The following DAW1 variants were observed in gnomAD, a reference collection of about 807,000 sequenced individuals.
DAW1 encodes the protein dynein assembly factor with WD repeat domains 1.
DAW1 carries 47 observed loss-of-function variants against 56.5 expected under a neutral mutation model. That is an observed-to-expected ratio of 0.83 (90% CI 0.66 to 1.06). The LOEUF is 1.06. Ranked by LOEUF, DAW1 falls within the 50% of genes least tolerant of loss-of-function variation. The probability of loss-of-function intolerance (pLI) is 0.00; values close to 1 mark genes in which losing one functional copy is unlikely to be tolerated. For missense variants in DAW1, 505 were observed against 499.3 expected, an observed-to-expected ratio of 1.01 and a Z score of -0.11; for synonymous variants, 190 against 179.0, an observed-to-expected ratio of 1.06 and a Z score of -0.49.
At position 227,921,519 on chromosome 2, in the gene DAW1, T is replaced by A. The variant is rs757314749; in HGVS notation, c.1171T>A (p.Phe391Ile). The A allele has an allele frequency of 1.9e-6, 3 of 1,613,990 alleles. No individual in the cohort carries two copies. In the South Asian group the frequency reaches 3.3e-5, roughly 18 times the overall value. Residue 391 changes from phenylalanine (F) to isoleucine (I), a missense_variant, in exon 12 of 13, where the codon TTT becomes ATT. Physicochemically the swap from Phe to Ile is conservative, Grantham distance 21. Transcript: ENST00000309931. ...QVLEGHTDEI[F>I]SCAFNYKGNI... ...TCTTGAGGGGCACACTGATGAAATC[T>A]TTTCATGTGCTTTCAACTATAAAGG...
chr2:227,922,196 A>G lies in DAW1; in HGVS notation c.1213+635A>G, dbSNP rs113760181. 4.2e-3 allele frequency among the ~76,000 whole-genome samples: 635 copies of G among 152,338 alleles called. 6 individuals carry two copies. Among genetic ancestry groups the G allele is most frequent in the African/African-American group, 0.015 (617 of 41,582 alleles). On this transcript the variant is annotated intron_variant, in intron 12 of 12. Coordinates refer to ENST00000309931, the MANE Select transcript of DAW1 (RefSeq NM_178821.3). ...ATGTCAGTAAGTGTTAGTAACCAAA[A>G]CAAGTCAGGATCAAAATTCTCCCCA...
At chr2:227,885,515 T>C (rs1424735432) in intron 2 of DAW1, 92 bp downstream of exon 2, 9 of 922,954 alleles carry the variant, frequency 9.8e-6, no homozygotes, top group South Asian at 2.1e-5. Context: ...CTGCAGATAA[T>C]ACATTATGTT....
At chr2:227,898,813 G>A (rs1691471899) in intron 6 of DAW1, among the ~76,000 whole-genome samples, 1 of 152,070 alleles carries the variant, frequency 6.6e-6, no homozygotes, top group African/African-American at 2.4e-5. Flanking sequence ...ATCCTACATT[G>A]ACTAAGTAGA....
At position 227,893,831 on chromosome 2, in the gene DAW1, C is replaced by G; in HGVS notation, c.354C>G (p.Leu118=). ...GAAGCTATGATCGGACGTGCAAGCT[C>G]TGGGACACTGCGTCTGGAGAGGAGC... ...ITGSYDRTCK[L]WDTASGEELN... is the part of the protein sequence containing the mutation. Residue 118 remains leucine (L), a synonymous_variant, in exon 5 of 13, where the codon CTC becomes CTG. Coordinates refer to ENST00000309931, the MANE Select transcript of DAW1 (RefSeq NM_178821.3). 6.2e-7 allele frequency: 1 copy of G among 1,613,896 alleles called. No individual in the cohort carries two copies. The highest frequency in any genetic ancestry group is 8.5e-7 in the Non-Finnish European group (1 of 1,179,900).
At chr2:227,908,157 G>C (rs980645347) in intron 10 of DAW1, among the ~76,000 whole-genome samples, 5 of 152,148 alleles carry the variant, frequency 3.3e-5, no homozygotes, top group African/African-American at 1.2e-4. Flanking sequence ...ACATGATATT[G>C]TGTCTGTCTT....
intron 1 of DAW1, among the ~76,000 whole-genome samples, chr2:227,875,472 G>A (rs928603349): frequency 1.3e-5 from 2 of 152,040 alleles, no homozygotes; most frequent in Admixed American, 1.3e-4. Context: ...CACCACTTTC[G>A]ACTTTTCCCT....
chr2:227,872,148 G>C (rs543022949), intron 1 of DAW1: 2 of 163,130 alleles, frequency 1.2e-5, no homozygotes, highest in Non-Finnish European at 2.7e-5. Context: ...TCTAATTTTA[G>C]GTGAGGACAT....
intron 12 of DAW1, among the ~76,000 whole-genome samples, chr2:227,922,136 G>A (rs1692124528): frequency 6.6e-6 from 1 of 152,226 alleles, no homozygotes; most frequent in Non-Finnish European, 1.5e-5. Flanking sequence ...CTGGGTGACA[G>A]AGTAAGACCC....
At chr2:227,921,757 C>G (rs543997846) in intron 12 of DAW1, among the ~76,000 whole-genome samples, 196 bp downstream of exon 12, 1 of 152,270 alleles carries the variant, frequency 6.6e-6, no homozygotes, top group African/African-American at 2.4e-5. Context: ...CTGCCATTGA[C>G]TGTAGTAAGC....
At chr2:227,910,215 G>C (rs1424248251) in intron 10 of DAW1, among the ~76,000 whole-genome samples, 2 of 152,064 alleles carry the variant, frequency 1.3e-5, no homozygotes, top group African/African-American at 4.8e-5. Flanking sequence ...ACTTCGGGAG[G>C]CCAAGATTGG....
chr2:227,905,924 T>G, intron 8 of DAW1, among the ~76,000 whole-genome samples: 1 of 152,194 alleles, frequency 6.6e-6, no homozygotes, highest in South Asian at 2.1e-4. Flanking sequence ...CTGGCTAATT[T>G]TTTGTATTTT....
chr2:227,883,360 C>T (rs1420502981), intron 1 of DAW1, among the ~76,000 whole-genome samples: 1 of 152,114 alleles, frequency 6.6e-6, no homozygotes, highest in Non-Finnish European at 1.5e-5. Context: ...TGAAATATGT[C>T]AACAGTTACA....
intron 1 of DAW1, among the ~76,000 whole-genome samples, chr2:227,881,161 G>A (rs1691000487): frequency 6.6e-6 from 1 of 152,368 alleles, no homozygotes; most frequent in African/African-American, 2.4e-5. Flanking sequence ...GCCACGTGCT[G>A]TAAGGACAGA....
chr2:227,874,991 A>ACAAACAAACAAACAAAC (rs554748004), intron 1 of DAW1, among the ~76,000 whole-genome samples: 35 of 128,996 alleles, frequency 2.7e-4, no homozygotes, highest in African/African-American at 6.6e-4. Context: ...AACAAACAGA[A>ACAAACAAACAAACAAAC]AAACAAAAAA....
chr2:227,901,161 T>A (rs1691534763), intron 6 of DAW1, among the ~76,000 whole-genome samples: 1 of 152,108 alleles, frequency 6.6e-6, no homozygotes, highest in African/African-American at 2.4e-5. Context: ...GAAGACCTGT[T>A]GTAAAGATAG....
chr2:227,900,687 G>A (rs1691520289), intron 6 of DAW1, among the ~76,000 whole-genome samples: 1 of 152,150 alleles, frequency 6.6e-6, no homozygotes, highest in African/African-American at 2.4e-5. Flanking sequence ...TGAAACTCAG[G>A]TGGCTCTGTG....
At chr2:227,880,293 G>A (rs1533963) in intron 1 of DAW1, among the ~76,000 whole-genome samples, 134,370 of 152,016 alleles carry the variant, frequency 0.88, 59,375 homozygotes, top group Middle Eastern at 0.96. Flanking sequence ...CTTTTTTATA[G>A]CATGTGGCAT....
intron 5 of DAW1, among the ~76,000 whole-genome samples, chr2:227,897,385 T>C (rs576519511): frequency 2.8e-4 from 42 of 152,302 alleles, no homozygotes; most frequent in Admixed American, 2.7e-3. Context: ...TTTGGATAAA[T>C]ATACATTTCT....
At chr2:227,880,700 G>A (rs558583267) in intron 1 of DAW1, among the ~76,000 whole-genome samples, 2 of 152,184 alleles carry the variant, frequency 1.3e-5, no homozygotes, top group East Asian at 1.9e-4. Context: ...CAGCACATCC[G>A]CGCAGCAAGA....
Sources: allele counts gnomAD v4.1 joint callset (sites outside exome capture counted in the v4.1 genomes callset), GRCh38; gene constraint gnomAD v4.1.1; transcripts MANE v1.5; gene names NCBI Gene and HGNC (gene_info 2026-07-23, HGNC 2026-07-21).